Variants in MAGI2 observed in about 807,000 individuals in gnomAD.
MAGI2 encodes membrane associated guanylate kinase, WW and PDZ domain containing 2.
Under a neutral mutation model 133.3 loss-of-function variants are expected in MAGI2, and 35 were observed. The ratio of observed to expected loss-of-function variants is 0.26; its 90% CI spans 0.20 to 0.35. The LOEUF is 0.35. MAGI2 is among the 10% of genes least tolerant of loss of function. MAGI2 has a pLI of 1.00. For synonymous variants in MAGI2, 729 were observed against 710.6 expected (o/e 1.03, Z -0.41); for missense variants, 1,636 against 1,863.4 (o/e 0.88, Z 2.25).
At chr7:78,978,585 G>A (rs1036760795) in intron 2 of MAGI2, among the ~76,000 whole-genome samples, 2 of 151,776 alleles carry the variant, frequency 1.3e-5, no homozygotes, top group Non-Finnish European at 2.9e-5. Context: ...ATGATATGAC[G>A]CATTTGTCAA....
At chr7:78,306,944 T>C (rs1009381536) in intron 9 of MAGI2, among the ~76,000 whole-genome samples, 1 of 152,188 alleles carries the variant, frequency 6.6e-6, no homozygotes, top group Non-Finnish European at 1.5e-5. Context: ...GAGACGCATA[T>C]GTCCAATTCA....
At chr7:79,438,133 A>G (rs980729831) in intron 1 of MAGI2, among the ~76,000 whole-genome samples, 7 of 152,104 alleles carry the variant, frequency 4.6e-5, no homozygotes, top group African/African-American at 1.7e-4. Flanking sequence ...TGAACTCTCT[A>G]CACTGAAGGT....
intron 6 of MAGI2, among the ~76,000 whole-genome samples, chr7:78,419,347 A>G (rs1798583918): frequency 6.6e-6 from 1 of 152,072 alleles, no homozygotes; most frequent in Non-Finnish European, 1.5e-5. Flanking sequence ...ACTGGTGTGT[A>G]GCCCTTCAGA....
chr7:78,019,037 A>G lies in MAGI2; in HGVS notation c.*278T>C, dbSNP rs1808014470. On this transcript the variant is annotated 3_prime_UTR_variant, in exon 22 of 22. Coordinates refer to ENST00000354212, the MANE Select transcript of MAGI2 (RefSeq NM_012301.4). ...TTTTCTTAAACTAAAGCTACACTGC[A>G]CTGTCTCTCTGTGATGTTCTTCACG... 2.4e-6 allele frequency: 1 copy of G among 425,194 alleles called. No individual in the cohort carries two copies. Among genetic ancestry groups the G allele is most frequent in the South Asian group, 6.5e-5 (1 of 15,312 alleles). 26.3% of individuals were successfully genotyped at this position (425,194 alleles called of 1,614,324 possible).
chr7:79,012,600 A>T (rs1808275003), intron 1 of MAGI2, among the ~76,000 whole-genome samples: 2 of 152,166 alleles, frequency 1.3e-5, no homozygotes, highest in African/African-American at 4.8e-5. Flanking sequence ...ACGTATGCTA[A>T]ATAAATAAAT....
At chr7:79,270,476 C>G (rs1449514602) in intron 1 of MAGI2, among the ~76,000 whole-genome samples, 1 of 152,116 alleles carries the variant, frequency 6.6e-6, no homozygotes, top group East Asian at 1.9e-4. Flanking sequence ...CTGTGATCAT[C>G]AATTATGATT....
intron 3 of MAGI2, among the ~76,000 whole-genome samples, chr7:78,605,860 G>A (rs778469219): frequency 5.9e-5 from 9 of 152,164 alleles, no homozygotes; most frequent in African/African-American, 1.9e-4. Context: ...AGACTGTGAC[G>A]GGAGGTACTC....
chr7:78,767,319 C>T (rs1825131423), intron 2 of MAGI2, among the ~76,000 whole-genome samples: 1 of 151,998 alleles, frequency 6.6e-6, no homozygotes, highest in Admixed American at 6.6e-5. Flanking sequence ...TGTTAAGGTA[C>T]ACCTAATGCA....
At chr7:78,573,306 A>T (rs1449119966) in intron 3 of MAGI2, among the ~76,000 whole-genome samples, 21 of 48,870 alleles carry the variant, frequency 4.3e-4, no homozygotes, top group East Asian at 1.5e-3. Flanking sequence ...ATATATTTAT[A>T]TATATAAATA....
chr7:78,031,216 G>T (rs1378424022), intron 21 of MAGI2, among the ~76,000 whole-genome samples: 1 of 152,172 alleles, frequency 6.6e-6, no homozygotes, highest in Admixed American at 6.5e-5. Flanking sequence ...GTAGGAGGAG[G>T]CTTGACTACA....
intron 2 of MAGI2, among the ~76,000 whole-genome samples, chr7:78,722,594 C>T (rs1458987007): frequency 3.3e-5 from 5 of 152,012 alleles, no homozygotes; most frequent in Admixed American, 3.3e-4. Flanking sequence ...AAGCCCAGAA[C>T]TCTGGCTTCA....
At chr7:79,361,873 A>G (rs1842399030) in intron 1 of MAGI2, among the ~76,000 whole-genome samples, 1 of 152,182 alleles carries the variant, frequency 6.6e-6, no homozygotes, top group Admixed American at 6.5e-5. Context: ...AGGAAGTAAT[A>G]TAAATGAAAA....
intron 21 of MAGI2, among the ~76,000 whole-genome samples, chr7:78,034,559 G>A (rs778081406): frequency 1.6e-4 from 24 of 152,088 alleles, no homozygotes; most frequent in Middle Eastern, 3.4e-3. Flanking sequence ...ATGGAGTCTC[G>A]CTCTGTCACC....
At chr7:79,017,378 C>T (rs572228270) in intron 1 of MAGI2, among the ~76,000 whole-genome samples, 1 of 152,302 alleles carries the variant, frequency 6.6e-6, no homozygotes, top group African/African-American at 2.4e-5. Flanking sequence ...CTGAACCCAC[C>T]TTATGCCATA....
intron 5 of MAGI2, among the ~76,000 whole-genome samples, chr7:78,491,878 TG>T (rs1444312539): frequency 4.7e-5 from 2 of 42,930 alleles, no homozygotes; most frequent in African/African-American, 3.9e-4. Context: ...AAATTGTGTG[TG>T]TGTGTGTGTG....
intron 1 of MAGI2, among the ~76,000 whole-genome samples, chr7:79,072,086 C>T (rs535290785): frequency 6.6e-6 from 1 of 152,210 alleles, no homozygotes; most frequent in African/African-American, 2.4e-5. Flanking sequence ...GATGCGATGC[C>T]CCACTCTGCT....
chr7:79,136,028 G>GAAAGAAAGAAAGAAA (rs1821448277), intron 1 of MAGI2, among the ~76,000 whole-genome samples: 43 of 51,642 alleles, frequency 8.3e-4, no homozygotes, highest in African/African-American at 3.1e-3. Context: ...AAAGAAAGAA[G>GAAAGAAAGAAAGAAA]GAAAGAAAGA....
intron 2 of MAGI2, chr7:78,940,980 T>C (rs761813942): frequency 6.6e-6 from 1 of 152,192 alleles, no homozygotes; most frequent in South Asian, 2.1e-4. Context: ...TTAGATATAA[T>C]GGAATGGGGA....
intron 1 of MAGI2, among the ~76,000 whole-genome samples, chr7:79,334,471 A>G (rs1315662080): frequency 1.3e-5 from 2 of 152,148 alleles, no homozygotes; most frequent in East Asian, 3.9e-4. Flanking sequence ...TGATCTCTGC[A>G]TAATCCAGTT....
Sources: allele counts gnomAD v4.1 joint callset (sites outside exome capture counted in the v4.1 genomes callset), GRCh38; gene constraint gnomAD v4.1.1; transcripts MANE v1.5; gene names NCBI Gene and HGNC (gene_info 2026-07-23, HGNC 2026-07-21).